The following STK32B variants were observed in gnomAD, a reference collection of about 807,000 sequenced individuals.
The protein encoded by STK32B is serine/threonine-protein kinase 32B.
A neutral mutation model predicts 52.6 loss-of-function variants in STK32B; 43 were observed. The observed-to-expected ratio is 0.82, with a 90% CI of 0.64 to 1.05. STK32B has a LOEUF of 1.05. Among genes scored for constraint, STK32B ranks in the 50% least tolerant of loss-of-function variants. STK32B has a pLI of 0.00. For synonymous variants in STK32B, 238 were observed against 204.3 expected (o/e 1.17, Z -1.41); for missense variants, 621 against 534.6 (o/e 1.16, Z -1.59).
At chr4:5,093,373 A>T (rs1317909369) in intron 1 of STK32B, among the ~76,000 whole-genome samples, 1 of 152,234 alleles carries the variant, frequency 6.6e-6, no homozygotes, top group Non-Finnish European at 1.5e-5. Flanking sequence ...TATATATTGT[A>T]CTACTGTAAA....
At chr4:5,128,485 G>A (rs1422695508) in intron 1 of STK32B, among the ~76,000 whole-genome samples, 1 of 152,200 alleles carries the variant, frequency 6.6e-6, no homozygotes, top group African/African-American at 2.4e-5. Flanking sequence ...TTAGGCATAT[G>A]ATTTCCTGAG....
intron 3 of STK32B, among the ~76,000 whole-genome samples, chr4:5,276,682 T>C (rs1464308212): frequency 2.6e-5 from 4 of 152,254 alleles, no homozygotes; most frequent in Non-Finnish European, 5.9e-5. Flanking sequence ...TGCTGCCACG[T>C]GCATCTTTTC....
At chr4:5,477,152 G>A (rs970965090) in intron 11 of STK32B, among the ~76,000 whole-genome samples, 7 of 152,256 alleles carry the variant, frequency 4.6e-5, no homozygotes, top group African/African-American at 1.2e-4. Context: ...CTGTCTCACC[G>A]TGTAACCCTC....
Position 5,059,427 on chromosome 4 carries a change from G to A in STK32B, c.52+7512G>A, listed in dbSNP as rs527649003. Among the ~76,000 whole-genome samples, 59 of 152,272 alleles carry A rather than the reference G, an allele frequency of 3.9e-4. 1 individual carries two copies. The highest frequency in any genetic ancestry group is 1.6e-3 in the Admixed American group (24 of 15,294). On this transcript the variant is annotated intron_variant, in intron 1 of 11. Transcript: ENST00000282908. ...ACAGTTTTTATTGTTAATGGCAGTT[G>A]AATGTAAGCAAATACCTTTTTCTGC...
chr4:5,343,218 C>T (rs955229465), intron 4 of STK32B, among the ~76,000 whole-genome samples: 2 of 151,158 alleles, frequency 1.3e-5, no homozygotes, highest in African/African-American at 4.9e-5. Context: ...TTTGTCCTTG[C>T]AATAGTTTGC....
At chr4:5,477,723 C>T (rs16837343) in intron 11 of STK32B, among the ~76,000 whole-genome samples, 2,763 of 152,254 alleles carry the variant, frequency 0.018, 84 homozygotes, top group African/African-American at 0.062. Flanking sequence ...GGGAATTACA[C>T]GCTCCAGCCT....
At chr4:5,357,022 TACACAC>T (rs550771167) in intron 4 of STK32B, among the ~76,000 whole-genome samples, 2 of 145,486 alleles carry the variant, frequency 1.4e-5, no homozygotes, top group East Asian at 2.0e-4. Context: ...TATATATATA[TACACAC>T]ACACACACAC....
chr4:5,287,647 A>G (rs1336681757), intron 3 of STK32B, among the ~76,000 whole-genome samples: 1 of 151,952 alleles, frequency 6.6e-6, no homozygotes, highest in Admixed American at 6.6e-5. Context: ...TTTTATGTAC[A>G]TGTAAATAAT....
At chr4:5,249,179 A>G (rs1725699103) in intron 3 of STK32B, among the ~76,000 whole-genome samples, 1 of 152,182 alleles carries the variant, frequency 6.6e-6, no homozygotes, top group South Asian at 2.1e-4. Context: ...ACAGGCAAGC[A>G]TTTTACTGAA....
At chr4:5,129,011 C>T (rs1715584815) in intron 1 of STK32B, among the ~76,000 whole-genome samples, 1 of 152,150 alleles carries the variant, frequency 6.6e-6, no homozygotes, top group African/African-American at 2.4e-5. Flanking sequence ...CCTTGTGTAG[C>T]CTGTGAGACT....
chr4:5,166,240 G>C (rs1371344044), intron 2 of STK32B, among the ~76,000 whole-genome samples: 2 of 152,022 alleles, frequency 1.3e-5, no homozygotes, highest in East Asian at 3.9e-4. Context: ...AGGCCACACT[G>C]TGGGTGAAAA....
intron 3 of STK32B, among the ~76,000 whole-genome samples, chr4:5,241,043 G>C (rs1486455382): frequency 6.6e-6 from 1 of 151,916 alleles, no homozygotes; most frequent in Admixed American, 6.6e-5. Flanking sequence ...CTGTTTTATT[G>C]TACACATTTT....
chr4:5,405,524 A>T (rs59784903), intron 5 of STK32B, among the ~76,000 whole-genome samples: 30,192 of 152,084 alleles, frequency 0.2, 3,182 homozygotes, highest in Admixed American at 0.28. Context: ...TGCTGTGAAG[A>T]ACTACCTGAG....
intron 5 of STK32B, among the ~76,000 whole-genome samples, chr4:5,414,963 C>T (rs1345428988): frequency 6.6e-6 from 1 of 152,210 alleles, no homozygotes; most frequent in African/African-American, 2.4e-5. Context: ...AGTCCTCTTC[C>T]AATGCTGACA....
chr4:5,059,055 T>C (rs1742119335), intron 1 of STK32B, among the ~76,000 whole-genome samples: 1 of 89,292 alleles, frequency 1.1e-5, no homozygotes, highest in South Asian at 3.0e-4. Flanking sequence ...CCAGCTGCTT[T>C]TTTTTTTTTT....
intron 3 of STK32B, among the ~76,000 whole-genome samples, chr4:5,267,008 C>T (rs1727096009): frequency 6.6e-6 from 1 of 151,684 alleles, no homozygotes; most frequent in Non-Finnish European, 1.5e-5. Context: ...CCATCTCAAA[C>T]ATCTACACTT....
chr4:5,055,233 G>C (rs988284552), intron 1 of STK32B, among the ~76,000 whole-genome samples: 7 of 151,290 alleles, frequency 4.6e-5, no homozygotes, highest in African/African-American at 1.5e-4. Context: ...GGGACAATAG[G>C]CTTCTACCAT....
chr4:5,168,729 A>G (rs1307508095), intron 3 of STK32B, among the ~76,000 whole-genome samples: 1 of 152,248 alleles, frequency 6.6e-6, no homozygotes, highest in Non-Finnish European at 1.5e-5. Context: ...GAACGTTATA[A>G]GAGAATGCCG....
chr4:5,177,829 C>G (rs1234429551), intron 3 of STK32B, among the ~76,000 whole-genome samples: 1 of 152,230 alleles, frequency 6.6e-6, no homozygotes, highest in Non-Finnish European at 1.5e-5. Context: ...TGCCTCACAT[C>G]CAGGTCATGA....
Sources: gnomAD v4.1 joint callset for allele counts (sites outside exome capture counted in the v4.1 genomes callset) on GRCh38, gnomAD v4.1.1 for gene constraint, MANE v1.5 for transcripts, NCBI Gene and HGNC (gene_info 2026-07-23, HGNC 2026-07-21) for gene names.